ARMS2: variants seen among roughly 807,000 people sequenced by gnomAD.
The protein encoded by ARMS2 is age-related maculopathy susceptibility protein 2.
A neutral mutation model predicts 6.0 loss-of-function variants in ARMS2; 4 were observed. The ratio of observed to expected loss-of-function variants is 0.67; its 90% CI spans 0.33 to 1.53. The LOEUF is 1.53. Among genes scored for constraint, ARMS2 ranks in the 40% most tolerant of loss-of-function variants. The pLI is 0.06. For synonymous variants in ARMS2, 49 were observed against 51.7 expected (o/e 0.95, Z 0.22); for missense variants, 99 against 127.6 (o/e 0.78, Z 1.08).
At chr10:122,455,866 C>T (rs562783885) in intron 1 of ARMS2, among the ~76,000 whole-genome samples, 3 of 152,000 alleles carry the variant, frequency 2.0e-5, no homozygotes, top group African/African-American at 4.8e-5. Context: ...AAGCTGCTCC[C>T]GAGTGACAGA....
At position 122,454,840 on chromosome 10, in the gene ARMS2, G is replaced by A. The variant is rs2097475910; in HGVS notation, c.113G>A (p.Arg38Gln). The A allele has an allele frequency of 3.1e-6, 5 of 1,613,870 alleles. No homozygotes were observed. The South Asian group carries it at 4.4e-5, about 14-fold the overall frequency. ...CCTGTGTCCTTCATTTCCACTCTGCGAGAGTCTGTGCTGGACCCTGGAGTT... is the reference window on the plus strand; with the variant it reads ...CCTGTGTCCTTCATTTCCACTCTGCAAGAGTCTGTGCTGGACCCTGGAGTT... ...VVPVSFISTL[R>Q]ESVLDPGVGG... The change falls in exon 1 of 2, where the codon CGA (arginine) becomes CAA (glutamine). Residue 38 changes from arginine to glutamine, a missense_variant. Coordinates refer to ENST00000528446, the MANE Select transcript of ARMS2 (RefSeq NM_001099667.3).
intron 1 of ARMS2, among the ~76,000 whole-genome samples, chr10:122,456,609 G>A (rs1039115007): frequency 1.4e-4 from 21 of 149,334 alleles, no homozygotes; most frequent in Non-Finnish European, 2.7e-4. Context: ...AGCCAAGACC[G>A]CACCACTGCA....
chr10:122,454,685 G>A lies in ARMS2; in HGVS notation c.-43G>A, dbSNP rs541103794. 29 of 1,590,812 alleles carry A rather than the reference G, an allele frequency of 1.8e-5. No homozygotes were observed. In the East Asian group the frequency reaches 5.9e-4, roughly 32 times the overall value. Reference sequence around the variant, plus strand: ...AGTGAGATGGCAGCTGGCTTGGCAAGGGGACAGCACCTTTGTCACCACATT... The same window carrying A: ...AGTGAGATGGCAGCTGGCTTGGCAAAGGGACAGCACCTTTGTCACCACATT... On this transcript the variant is annotated 5_prime_UTR_variant, in exon 1 of 2. Transcript: ENST00000528446.
At chr10:122,455,881 G>T (rs1401179542) in intron 1 of ARMS2, among the ~76,000 whole-genome samples, 1 of 152,048 alleles carries the variant, frequency 6.6e-6, no homozygotes, top group African/African-American at 2.4e-5. Context: ...GACAGAAATT[G>T]ACAAGCTGTC....
chr10:122,457,040 T>G lies in ARMS2; in HGVS notation c.*107T>G, dbSNP rs183542198. On this transcript the variant is annotated 3_prime_UTR_variant, in exon 2 of 2. Transcript: ENST00000528446. The stretch of plus-strand genomic sequence containing the variant: ...AGAGGGAGTCCCTCACAACCTAGAC[T>G]GGTCCCCTTCCCTCCAGCTGCCTCA... 3.6e-4 allele frequency: 517 copies of G among 1,437,824 alleles called. 7 individuals are homozygous for G. In the Middle Eastern group the frequency reaches 6.1e-3, roughly 17 times the overall value. The allele number at this position is 1,437,824 out of a possible 1,614,324, so 89.1% of individuals were successfully genotyped here. A position where few individuals can be genotyped will look rare whatever the true frequency, so the allele number is the denominator to read the frequency against.
At chr10:122,455,067 A>C in intron 1 of ARMS2, 43 bp downstream of exon 1, 1 of 1,142,096 alleles carries the variant, frequency 8.8e-7, no homozygotes, top group Non-Finnish European at 1.3e-6. Flanking sequence ...GACCTATTGA[A>C]TCAGAAATTC....
chr10:122,457,096 G>GC lies in ARMS2; in HGVS notation c.*165dup, dbSNP rs1229994609. ...CCACAGGACTCTCTTCCCACCTGCG[G>GC]CCACACTGTGCAACCTGGAATTTCC... On this transcript the variant is annotated 3_prime_UTR_variant, in exon 2 of 2. Coordinates refer to ENST00000528446, the MANE Select transcript of ARMS2 (RefSeq NM_001099667.3). The GC allele has an allele frequency of 7.0e-6, 6 of 852,362 alleles. No homozygotes were observed. The East Asian group carries it at 1.6e-4, about 23-fold the overall frequency. The allele number at this position is 852,362 out of a possible 1,614,324, so 52.8% of individuals were successfully genotyped here.
intron 1 of ARMS2, 70 bp from the exon 2 acceptor site, chr10:122,456,837 G>C (rs1478640646): frequency 1.2e-5 from 18 of 1,540,202 alleles, no homozygotes; most frequent in Non-Finnish European, 1.5e-5. Context: ...TTAATTTAAA[G>C]TGCTCCTCAA....
intron 1 of ARMS2, among the ~76,000 whole-genome samples, chr10:122,456,403 C>T (rs2097477133): frequency 6.6e-6 from 1 of 151,920 alleles, no homozygotes; most frequent in Non-Finnish European, 1.5e-5. Flanking sequence ...TGGCTGTATA[C>T]CAGCACTTTG....
intron 1 of ARMS2, 148 bp from the exon 2 acceptor site, chr10:122,456,759 A>G (rs1324303529): frequency 3.3e-6 from 4 of 1,220,810 alleles, no homozygotes; most frequent in Non-Finnish European, 4.5e-6. Flanking sequence ...AAATAAATTA[A>G]TTGTTACAAA....
At position 122,457,109 on chromosome 10, in the gene ARMS2, A is replaced by T; in HGVS notation, c.*176A>T. 1 of 757,492 alleles carries T rather than the reference A, an allele frequency of 1.3e-6. No individual in the cohort carries two copies. 46.9% of individuals were successfully genotyped at this position (757,492 alleles called of 1,614,324 possible). ...TTCCCACCTGCGGCCACACTGTGCAACCTGGAATTTCCCCACCTGGGCGGA... is the reference window on the plus strand; with the variant it reads ...TTCCCACCTGCGGCCACACTGTGCATCCTGGAATTTCCCCACCTGGGCGGA... On this transcript the variant is annotated 3_prime_UTR_variant, in exon 2 of 2. Coordinates refer to ENST00000528446, the MANE Select transcript of ARMS2 (RefSeq NM_001099667.3).
chr10:122,455,920 G>A (rs2097476768), intron 1 of ARMS2, among the ~76,000 whole-genome samples: 1 of 151,954 alleles, frequency 6.6e-6, no homozygotes, highest in African/African-American at 2.4e-5. Context: ...GCTGCCTGGG[G>A]CTCTGTTTGA....
At position 122,454,705 on chromosome 10, in the gene ARMS2, C is replaced by T. The variant is rs771195269; in HGVS notation, c.-23C>T. 2 of 1,603,172 alleles carry T rather than the reference C, an allele frequency of 1.2e-6. No homozygotes were observed. Among genetic ancestry groups the T allele is most frequent in the South Asian group, 2.2e-5 (2 of 90,686 alleles). On this transcript the variant is annotated 5_prime_UTR_variant, in exon 1 of 2. Coordinates refer to ENST00000528446, the MANE Select transcript of ARMS2 (RefSeq NM_001099667.3). Reference sequence around the variant, plus strand: ...GGCAAGGGGACAGCACCTTTGTCACCACATTATGTCCCTGTACCCTACATG... The same window carrying T: ...GGCAAGGGGACAGCACCTTTGTCACTACATTATGTCCCTGTACCCTACATG...
rs2097477667 is a variant in ARMS2 at position 122,456,946 on chromosome 10, A to ATATCTCCT, written c.*16_*23dup. The ATATCTCCT allele has an allele frequency of 6.4e-7, 1 of 1,551,318 alleles. No individual in the cohort carries two copies. The highest frequency in any genetic ancestry group is 1.2e-5 in the South Asian group (1 of 84,010). On this transcript the variant is annotated 3_prime_UTR_variant, in exon 2 of 2. Transcript: ENST00000528446. ...TGCAGCAAGGTGATTCTGCCAAAAC[A>ATATCTCCT]TATCTCCTTAAAAGCCAACTGGAGC...
intron 1 of ARMS2, 69 bp downstream of exon 1, chr10:122,455,093 C>A: frequency 1.1e-6 from 1 of 870,888 alleles, no homozygotes; most frequent in Non-Finnish European, 1.8e-6. Context: ...TGGTGCCCTG[C>A]AGCTTGCATT....
At chr10:122,455,733 C>T (rs2097476626) in intron 1 of ARMS2, among the ~76,000 whole-genome samples, 1 of 152,112 alleles carries the variant, frequency 6.6e-6, no homozygotes, top group African/African-American at 2.4e-5. Flanking sequence ...AACCCCTTCC[C>T]TCTCTTAATT....
intron 1 of ARMS2, among the ~76,000 whole-genome samples, chr10:122,456,351 T>A (rs1424867199): frequency 1.3e-5 from 2 of 151,062 alleles, no homozygotes; most frequent in African/African-American, 2.4e-5. Context: ...AATTCTAAAG[T>A]GCTTCAGAAA....
rs1490299442 is a variant in ARMS2, at chr10:122,454,686, G to A, written c.-42G>A. The A allele has an allele frequency of 1.9e-6, 3 of 1,591,326 alleles. No individual in the cohort carries two copies. Among genetic ancestry groups the A allele is most frequent in the African/African-American group, 1.3e-5 (1 of 74,406 alleles). On this transcript the variant is annotated 5_prime_UTR_variant, in exon 1 of 2. Coordinates refer to ENST00000528446, the MANE Select transcript of ARMS2 (RefSeq NM_001099667.3). ...GTGAGATGGCAGCTGGCTTGGCAAG[G>A]GGACAGCACCTTTGTCACCACATTA... is the stretch of plus-strand genomic sequence containing the variant.
intron 1 of ARMS2, among the ~76,000 whole-genome samples, chr10:122,456,312 AAAAAG>A (rs1452218970): frequency 2.0e-5 from 3 of 152,010 alleles, no homozygotes; most frequent in African/African-American, 7.2e-5. Flanking sequence ...AAAAAAAAGA[AAAAAG>A]AAAAAAAGAA....
Sources: allele counts gnomAD v4.1 joint callset (sites outside exome capture counted in the v4.1 genomes callset), GRCh38; gene constraint gnomAD v4.1.1; transcripts MANE v1.5; gene names NCBI Gene and HGNC (gene_info 2026-07-23, HGNC 2026-07-21).